The following CLCC1 variants were observed in gnomAD, a reference collection of about 807,000 sequenced individuals.
CLCC1 encodes the protein chloride channel CLIC like 1.
A neutral mutation model predicts 63.3 loss-of-function variants in CLCC1; 39 were observed. The observed-to-expected ratio is 0.62, with a 90% confidence interval of 0.48 to 0.81. The LOEUF (loss-of-function observed/expected upper bound fraction) is 0.81, where lower values mean the gene tolerates loss of function less well. Ranked by LOEUF, CLCC1 falls within the 30% of genes least tolerant of loss-of-function variation. CLCC1 has a pLI of 0.00. For missense variants in CLCC1, 549 were observed against 669.4 expected, an observed-to-expected ratio of 0.82 and a Z score of 1.98; for synonymous variants, 217 against 239.8, an observed-to-expected ratio of 0.90 and a Z score of 0.88.
intron 2 of CLCC1, among the ~76,000 whole-genome samples, chr1:108,951,688 A>G (rs1655197994): frequency 6.6e-6 from 1 of 151,936 alleles, no homozygotes; most frequent in Non-Finnish European, 1.5e-5. Flanking sequence ...TTTCCTTTTG[A>G]GGTAATGAAA....
At position 108,948,923 on chromosome 1, in the gene CLCC1, G is replaced by A. The variant is rs78417287; in HGVS notation, c.231+897C>T. Among the ~76,000 whole-genome samples the A allele has an allele frequency of 5.1e-3, 769 of 152,138 alleles. 11 individuals carry two copies. Among genetic ancestry groups the A allele is most frequent in the African/African-American group, 0.017 (720 of 41,496 alleles). ...CCTTCTCAACCACTCAGGTGAGACA[G>A]TATTCGTACTTAATAAGAATCACAA... On this transcript the variant is annotated intron_variant, in intron 4 of 12. Coordinates refer to ENST00000369969, the MANE Select transcript of CLCC1 (RefSeq NM_001377458.1).
chr1:108,959,388 A>G (rs1656342001), intron 2 of CLCC1, among the ~76,000 whole-genome samples: 1 of 152,050 alleles, frequency 6.6e-6, no homozygotes. Flanking sequence ...AAAAAAGCTC[A>G]TATGATGAGG....
intron 10 of CLCC1, among the ~76,000 whole-genome samples, chr1:108,938,167 TTAAG>T (rs1372649558): frequency 6.6e-6 from 1 of 152,168 alleles, no homozygotes; most frequent in Non-Finnish European, 1.5e-5. Flanking sequence ...TATAATCACC[TTAAG>T]TAAGAGCTGT....
intron 2 of CLCC1, among the ~76,000 whole-genome samples, chr1:108,952,359 G>C (rs188818299): frequency 1.2e-3 from 181 of 151,944 alleles, no homozygotes; most frequent in Non-Finnish European, 2.1e-3. Flanking sequence ...TGTATTTTTA[G>C]TAGAGATGGG....
At chr1:108,943,685 A>C (rs1460512963) in intron 6 of CLCC1, 70 bp from the exon 7 acceptor site, 2 of 1,582,078 alleles carry the variant, frequency 1.3e-6, no homozygotes, top group Non-Finnish European at 1.7e-6. Context: ...CTGGACTCAA[A>C]AGCACAAAAT....
intron 11 of CLCC1, among the ~76,000 whole-genome samples, chr1:108,936,082 G>GT (rs1652911908): frequency 1.5e-5 from 2 of 129,088 alleles, no homozygotes; most frequent in Non-Finnish European, 3.2e-5. Context: ...ACCATCTTAA[G>GT]TTGTTTTTTT....
At position 108,949,914 on chromosome 1, in the gene CLCC1, T is replaced by C; in HGVS notation, c.137A>G (p.Tyr46Cys). 1.3e-6 allele frequency: 2 copies of C among 1,588,684 alleles called. No homozygotes were observed. Among genetic ancestry groups the C allele is most frequent in the Middle Eastern group, 1.7e-4 (1 of 6,022 alleles). The stretch of plus-strand genomic sequence containing the variant: ...GACATCCTTTTCCCCTGAAATACCA[T>C]ATTTTGCCTAAAACAGAGTATAGAA... ...SGTMRKSQAK[Y>C]GISGEKDVSP... The change falls in exon 4 of 13, where the codon TAT (tyrosine) becomes TGT (cysteine). Residue 46 changes from tyrosine to cysteine, a missense_variant. Transcript: ENST00000369969.
At position 108,943,880 on chromosome 1, in the gene CLCC1, G is replaced by T. The variant is rs751319721; in HGVS notation, c.517C>A (p.Arg173=). 10 of 1,613,534 alleles carry T rather than the reference G, an allele frequency of 6.2e-6. No individual in the cohort carries two copies. The highest frequency in any genetic ancestry group is 7.6e-6 in the Non-Finnish European group (9 of 1,179,750). The change falls in exon 6 of 13, where the codon CGA becomes AGA. Residue 173 remains arginine, a synonymous_variant. Coordinates refer to ENST00000369969, the MANE Select transcript of CLCC1 (RefSeq NM_001377458.1). ...TCCACTCCAAAGGAATCTTCGAATC[G>T]CCACTTCCATGTTTCAAAATCATGA... ...KFHDFETWKW[R]FEDSFGVDPY... is the part of the protein sequence containing the mutation.
chr1:108,947,731 A>C lies in CLCC1; in HGVS notation c.232-13T>G. The C allele has an allele frequency of 1.3e-6, 2 of 1,534,886 alleles. No homozygotes were observed. Among genetic ancestry groups the C allele is most frequent in the Non-Finnish European group, 1.8e-6 (2 of 1,116,154 alleles). On this transcript the variant is annotated splice_polypyrimidine_tract_variant and intron_variant, in intron 4 of 12. Coordinates refer to ENST00000369969, the MANE Select transcript of CLCC1 (RefSeq NM_001377458.1). ...CACACTCATCAATCTGTAACCATAA[A>C]ATCAATTCAACATTAGTTAGAGTCA...
chr1:108,945,293 C>T (rs771180614), intron 5 of CLCC1, among the ~76,000 whole-genome samples: 16 of 151,900 alleles, frequency 1.1e-4, no homozygotes, highest in East Asian at 1.9e-4. Context: ...TTTTAAACAA[C>T]GAAATGATGC....
intron 2 of CLCC1, 82 bp downstream of exon 2, chr1:108,962,227 G>C (rs1347477384): frequency 1.3e-5 from 2 of 152,232 alleles, no homozygotes; most frequent in African/African-American, 4.8e-5. Flanking sequence ...CAGACGGCCA[G>C]GCAGTGAGTA....
rs751963287 is a variant in CLCC1, at chr1:108,944,050, T to G, written c.347A>C (p.Glu116Ala). Residue 116 changes from glutamate (E) to alanine (A), a missense_variant, in exon 6 of 13, where the codon GAA becomes GCA. Physicochemically the swap from Glu to Ala is moderately radical, Grantham distance 107. Coordinates refer to ENST00000369969, the MANE Select transcript of CLCC1 (RefSeq NM_001377458.1). ...ATCATAATGCATATCGCCTTTGTTTTCATCAGGCTAAATTAAATTTACCAA... is the reference window on the plus strand; with the variant it reads ...ATCATAATGCATATCGCCTTTGTTTGCATCAGGCTAAATTAAATTTACCAA... The part of the protein sequence containing the change: ...IEAGKLGLPD[E>A]NKGDMHYDAE... 6.3e-7 allele frequency: 1 copy of G among 1,580,302 alleles called. No homozygotes were observed. The highest frequency in any genetic ancestry group is 1.4e-5 in the African/African-American group (1 of 73,168).
chr1:108,947,557 TAATA>T, intron 5 of CLCC1, 50 bp downstream of exon 5: 1 of 1,034,264 alleles, frequency 9.7e-7, no homozygotes, highest in South Asian at 1.7e-5. Flanking sequence ...TATTTGAAAT[TAATA>T]AATAAAAATA....
At position 108,943,730 on chromosome 1, in the gene CLCC1, G is replaced by A. The variant is rs60661658; in HGVS notation, c.561+106C>T. On this transcript the variant is annotated intron_variant, in intron 6 of 12. Coordinates refer to ENST00000369969, the MANE Select transcript of CLCC1 (RefSeq NM_001377458.1). Reference sequence around the variant, plus strand: ...AATTTTGTGGCTTGTTCATCAATACGGTATAAGTGACCTAGTACAGGTTCT... The same window carrying A: ...AATTTTGTGGCTTGTTCATCAATACAGTATAAGTGACCTAGTACAGGTTCT... 4.1e-3 allele frequency: 5,921 copies of A among 1,439,970 alleles called. 193 individuals carry two copies. In the African/African-American group the frequency reaches 0.069, roughly 17 times the overall value. The allele number at this position is 1,439,970 out of a possible 1,614,324, so 89.2% of individuals were successfully genotyped here. A position where few individuals can be genotyped will look rare whatever the true frequency, so the allele number is the denominator to read the frequency against.
intron 2 of CLCC1, among the ~76,000 whole-genome samples, chr1:108,951,056 C>G (rs188300160): frequency 6.6e-6 from 1 of 152,082 alleles, no homozygotes; most frequent in African/African-American, 2.4e-5. Context: ...AAAACTTGTA[C>G]ATGAATGTTC....
chr1:108,959,147 T>C (rs1352617644), intron 2 of CLCC1, among the ~76,000 whole-genome samples: 2 of 152,030 alleles, frequency 1.3e-5, no homozygotes, highest in African/African-American at 2.4e-5. Flanking sequence ...GCACTCCAGC[T>C]TGGGCAACAA....
chr1:108,929,768 A>T lies in CLCC1; in HGVS notation c.*2779T>A. The T allele has an allele frequency of 6.2e-7, 1 of 1,613,772 alleles. No homozygotes were observed. Among genetic ancestry groups the T allele is most frequent in the Non-Finnish European group, 8.5e-7 (1 of 1,179,620 alleles). ...ACCACAAAGGGTCCGACAGTACCAGATGAAGACTTTTTCAGCCTTATTTTA... is the reference window on the plus strand; with the variant it reads ...ACCACAAAGGGTCCGACAGTACCAGTTGAAGACTTTTTCAGCCTTATTTTA... On this transcript the variant is annotated 3_prime_UTR_variant, in exon 13 of 13. Transcript: ENST00000369969.
intron 11 of CLCC1, among the ~76,000 whole-genome samples, chr1:108,936,651 A>C (rs1653055223): frequency 1.3e-5 from 2 of 152,172 alleles, no homozygotes; most frequent in African/African-American, 4.8e-5. Flanking sequence ...ATGACACTGA[A>C]GATTTGGGGA....
rs1655028082 is a variant in CLCC1, at chr1:108,950,325, G to A, written c.113C>T (p.Thr38Ile). The A allele has an allele frequency of 6.2e-7, 1 of 1,612,022 alleles. No homozygotes were observed. Among genetic ancestry groups the A allele is most frequent in the African/African-American group, 1.3e-5 (1 of 74,862 alleles). Residue 38 changes from threonine (T) to isoleucine (I), a missense_variant, in exon 3 of 13, where the codon ACA becomes ATA. Coordinates refer to ENST00000369969, the MANE Select transcript of CLCC1 (RefSeq NM_001377458.1). ...DMLNYDAASGTMRKSQAKYGI... is the reference protein window; with the variant it reads ...DMLNYDAASGIMRKSQAKYGI... ...TTTTAATACCTGAGATTTTCTCATTGTTCCTGAAGCAGCATCATAGTTAAG... is the reference window on the plus strand; with the variant it reads ...TTTTAATACCTGAGATTTTCTCATTATTCCTGAAGCAGCATCATAGTTAAG...
Sources: gnomAD v4.1 joint callset for allele counts (sites outside exome capture counted in the v4.1 genomes callset) on GRCh38, gnomAD v4.1.1 for gene constraint, MANE v1.5 for transcripts, NCBI Gene and HGNC (gene_info 2026-07-23, HGNC 2026-07-21) for gene names.